Variants in PRKN observed in about 807,000 individuals in gnomAD.
PRKN encodes parkin RBR E3 ubiquitin protein ligase, also known as E3 ubiquitin-protein ligase parkin.
A neutral mutation model predicts 59.5 loss-of-function variants in PRKN; 56 were observed. That is an observed-to-expected ratio of 0.94 (90% CI 0.76 to 1.18). The LOEUF is 1.18. PRKN is among the 50% of genes most tolerant of loss of function. The probability of loss-of-function intolerance (pLI) is 0.00; values close to 1 mark genes in which losing one functional copy is unlikely to be tolerated. For missense variants in PRKN, 657 were observed against 596.4 expected, an observed-to-expected ratio of 1.10 and a Z score of -1.06; for synonymous variants, 250 against 222.1, an observed-to-expected ratio of 1.13 and a Z score of -1.12.
intron 1 of PRKN, among the ~76,000 whole-genome samples, chr6:162,489,388 A>G (rs890931877): frequency 2.0e-5 from 3 of 152,242 alleles, no homozygotes; most frequent in Non-Finnish European, 4.4e-5. Flanking sequence ...AACATTAGAA[A>G]GGGATTCAGT....
intron 1 of PRKN, among the ~76,000 whole-genome samples, chr6:162,594,284 C>A (rs1324508286): frequency 3.9e-5 from 6 of 152,142 alleles, no homozygotes; most frequent in Non-Finnish European, 7.4e-5. Context: ...TTTTATCTTA[C>A]ATATAAATAA....
intron 1 of PRKN, among the ~76,000 whole-genome samples, chr6:162,467,960 G>A (rs1386448218): frequency 6.6e-6 from 1 of 152,160 alleles, no homozygotes; most frequent in Non-Finnish European, 1.5e-5. Flanking sequence ...ACAGCCTCTA[G>A]AGAGTATCTC....
At chr6:162,460,666 T>C (rs1257664293) in intron 1 of PRKN, among the ~76,000 whole-genome samples, 3 of 152,222 alleles carry the variant, frequency 2.0e-5, no homozygotes, top group African/African-American at 7.2e-5. Context: ...TGAATGAATG[T>C]GCATTCACTT....
rs931934917 is a variant in PRKN at position 161,545,951 on chromosome 6, G to C, written c.1083+2903C>G. Among the ~76,000 whole-genome samples the C allele has an allele frequency of 2.0e-5, 3 of 152,182 alleles. No individual in the cohort carries two copies. The highest frequency in any genetic ancestry group is 4.4e-5 in the Non-Finnish European group (3 of 68,038). ...CGATCACAATATAAACAAATGGCAT[G>C]GTGGCAAAGTAGTATTTAGGAAAAG... On this transcript the variant is annotated intron_variant, in intron 9 of 11. Coordinates refer to ENST00000366898, the MANE Select transcript of PRKN (RefSeq NM_004562.3). This position sits in a 1 kb window ranked among gnomAD's most constrained non-coding sequence, Gnocchi z 4.1.
At chr6:161,795,243 T>TTC (rs397779416) in intron 6 of PRKN, among the ~76,000 whole-genome samples, 1 of 149,372 alleles carries the variant, frequency 6.7e-6, no homozygotes, top group South Asian at 2.2e-4. Flanking sequence ...TTTTTTTTTT[T>TTC]CTTTTCTGAG....
At chr6:161,640,083 G>A (rs1446730158) in intron 7 of PRKN, among the ~76,000 whole-genome samples, 3 of 152,182 alleles carry the variant, frequency 2.0e-5, no homozygotes, top group Non-Finnish European at 4.4e-5. Context: ...AGGCTAACCA[G>A]CACTGTATGT....
intron 2 of PRKN, among the ~76,000 whole-genome samples, chr6:162,371,516 A>C (rs1583454985): frequency 6.6e-6 from 1 of 152,134 alleles, no homozygotes; most frequent in African/African-American, 2.4e-5. Flanking sequence ...AAGTTATTTC[A>C]TTTCTCTGGA....
intron 7 of PRKN, among the ~76,000 whole-genome samples, chr6:161,708,675 T>A (rs893908957): frequency 6.6e-6 from 1 of 152,240 alleles, no homozygotes; most frequent in African/African-American, 2.4e-5. Context: ...TTTTATGCCC[T>A]AGATTATCTC....
At chr6:162,451,550 C>A (rs1790627902) in intron 1 of PRKN, among the ~76,000 whole-genome samples, 1 of 150,924 alleles carries the variant, frequency 6.6e-6, no homozygotes, top group Admixed American at 6.6e-5. Context: ...TACAGTGAGA[C>A]CTTAGCTCTA....
intron 6 of PRKN, among the ~76,000 whole-genome samples, chr6:161,928,210 A>G (rs562973478): frequency 6.6e-6 from 1 of 152,302 alleles, no homozygotes; most frequent in Admixed American, 6.5e-5. Context: ...AGCCTTCAAA[A>G]CTGTCAGAAA....
rs1257392480 is a variant in PRKN, at chr6:161,442,003, T to TGACA, written c.1084-55127_1084-55126insTGTC. Among the ~76,000 whole-genome samples the TGACA allele has an allele frequency of 2.7e-4, 41 of 152,288 alleles. No homozygotes were observed. The highest frequency in any genetic ancestry group is 1.9e-3 in the Admixed American group (29 of 15,302). ...AGCAGGGAGGACATCGCCAATGAGTTTCTGGTTTTCACTTCAGAAGTTATA... is the reference window on the plus strand; with the variant it reads ...AGCAGGGAGGACATCGCCAATGAGTTGACATCTGGTTTTCACTTCAGAAGTTATA... On this transcript the variant is annotated intron_variant, in intron 9 of 11. Coordinates refer to ENST00000366898, the MANE Select transcript of PRKN (RefSeq NM_004562.3). This position sits in a 1 kb window ranked among gnomAD's most constrained non-coding sequence, Gnocchi z 4.6.
At chr6:161,514,799 G>T (rs940852517) in intron 9 of PRKN, among the ~76,000 whole-genome samples, 1 of 152,104 alleles carries the variant, frequency 6.6e-6, no homozygotes, top group Non-Finnish European at 1.5e-5. Context: ...GGAGGACTGC[G>T]GGGAGGCCAG....
At chr6:162,610,392 T>A (rs1029436346) in intron 1 of PRKN, among the ~76,000 whole-genome samples, 11 of 152,230 alleles carry the variant, frequency 7.2e-5, no homozygotes, top group African/African-American at 2.4e-4. Flanking sequence ...TACTCGCTAA[T>A]AAGTTTATAA....
At chr6:161,785,655 G>T (rs754383346) in intron 7 of PRKN, 117 bp downstream of exon 7, 1 of 986,174 alleles carries the variant, frequency 1.0e-6, no homozygotes, top group Non-Finnish European at 1.6e-6. Flanking sequence ...ATCCAGCAAT[G>T]ATCAAATTTA....
At chr6:161,739,113 A>G (rs1788084535) in intron 7 of PRKN, among the ~76,000 whole-genome samples, 1 of 152,144 alleles carries the variant, frequency 6.6e-6, no homozygotes, top group Non-Finnish European at 1.5e-5. Context: ...TATTAAGTGG[A>G]GAGGGGCAGG....
At chr6:161,599,510 C>G (rs1247990163) in intron 7 of PRKN, among the ~76,000 whole-genome samples, 12 of 152,148 alleles carry the variant, frequency 7.9e-5, no homozygotes. Context: ...CTTTAGAGTT[C>G]TGAAATTCAA....
In PRKN at chr6:161,551,296, C is replaced by T. The variant is rs191028494; in HGVS notation, c.934-2293G>A. Among the ~76,000 whole-genome samples the T allele has an allele frequency of 1.3e-5, 2 of 152,278 alleles. No individual in the cohort carries two copies. Among genetic ancestry groups the T allele is most frequent in the African/African-American group, 4.8e-5 (2 of 41,558 alleles). On this transcript the variant is annotated intron_variant, in intron 8 of 11. Coordinates refer to ENST00000366898, the MANE Select transcript of PRKN (RefSeq NM_004562.3). The surrounding 1 kb of genome is among the most constrained non-coding windows in gnomAD (Gnocchi z 5.2). ...GGAAGGACCTGGGGAGGCGCGCTGG[C>T]GACCTGAACGTCTCCAGGTCCTGCC...
rs113505785 is a variant in PRKN, at chr6:162,227,548, C to T, written c.413-26296G>A. ...AACACTTGTTTTACTTTAGAAATGG[C>T]GCAAATATGTGAGTCCCAAATTATG... On this transcript the variant is annotated intron_variant, in intron 3 of 11. Coordinates refer to ENST00000366898, the MANE Select transcript of PRKN (RefSeq NM_004562.3). Among the ~76,000 whole-genome samples, 123 of 152,160 alleles carry T rather than the reference C, an allele frequency of 8.1e-4. No homozygotes were observed. In the East Asian group the frequency reaches 0.014, roughly 18 times the overall value.
intron 5 of PRKN, among the ~76,000 whole-genome samples, chr6:161,974,682 T>A (rs948209421): frequency 3.3e-5 from 5 of 151,906 alleles, no homozygotes; most frequent in Non-Finnish European, 4.4e-5. Flanking sequence ...AAAAAAAAAA[T>A]ACATATATTT....
Sources: gnomAD v4.1 joint callset for allele counts (sites outside exome capture counted in the v4.1 genomes callset) on GRCh38, gnomAD v4.1.1 for gene constraint, Gnocchi (gnomAD v3.1) non-coding constraint, MANE v1.5 for transcripts, NCBI Gene and HGNC (gene_info 2026-07-23, HGNC 2026-07-21) for gene names.